CBLN4: variants seen among roughly 807,000 people sequenced by gnomAD.
CBLN4 encodes cerebellin-4.
Under a neutral mutation model 14.9 loss-of-function variants are expected in CBLN4, and 7 were observed. That is an observed-to-expected ratio of 0.47 (90% CI 0.27 to 0.88). The LOEUF is 0.88. Ranked by LOEUF, CBLN4 falls within the 40% of genes least tolerant of loss-of-function variation. The pLI, the probability that CBLN4 is intolerant of heterozygous loss-of-function variation, is 0.14. For missense variants in CBLN4, 188 were observed against 256.8 expected, an observed-to-expected ratio of 0.73 and a Z score of 1.83; for synonymous variants, 131 against 116.5, an observed-to-expected ratio of 1.12 and a Z score of -0.80.
At position 56,004,509 on chromosome 20, in the gene CBLN4, C is replaced by T. The variant is rs903640102; in HGVS notation, c.-338G>A. 1.8e-5 allele frequency: 5 copies of T among 273,276 alleles called. No individual in the cohort carries two copies. Among genetic ancestry groups the T allele is most frequent in the African/African-American group, 1.1e-4 (5 of 45,438 alleles). The allele number at this position is 273,276 out of a possible 1,614,324, so 16.9% of individuals were successfully genotyped here. A position where few individuals can be genotyped will look rare whatever the true frequency, so the allele number is the denominator to read the frequency against. On this transcript the variant is annotated 5_prime_UTR_variant, in exon 1 of 3. It adds an upstream start codon to the 5' untranslated region. Coordinates refer to ENST00000064571, the MANE Select transcript of CBLN4 (RefSeq NM_080617.6). This position sits in a 1 kb window ranked among gnomAD's most constrained non-coding sequence, Gnocchi z 6.1. ...AAGTCATCAAACCCTCACATTCACA[C>T]CTCAAGGCAAAAAATAATAATAATA...
chr20:56,005,445 C>G lies in CBLN4; in HGVS notation c.-1274G>C, dbSNP rs1055810840. 1.3e-5 allele frequency: 2 copies of G among 152,288 alleles called. No individual in the cohort carries two copies. The highest frequency in any genetic ancestry group is 6.5e-5 in the Admixed American group (1 of 15,308). The allele number at this position is 152,288 out of a possible 1,614,324, so 9.4% of individuals were successfully genotyped here. A position where few individuals can be genotyped will look rare whatever the true frequency, so the allele number is the denominator to read the frequency against. The stretch of plus-strand genomic sequence containing the variant: ...CGAACCTGGGGACCGGCGGGCGTCC[C>G]GACCGCGCCTGGCCGGGAGCCCGCC... On this transcript the variant is annotated 5_prime_UTR_variant, in exon 1 of 3. Transcript: ENST00000064571.
In CBLN4 at chr20:56,003,902, C is replaced by A. The variant is rs201113262; in HGVS notation, c.270G>T (p.Thr90=). ...NHEPSEMSNK[T]RIIYFDQILV... Reference sequence around the variant, plus strand: ...TGACCTGATCGAAGTAAATGATGCGCGTCTTGTTGCTCATCTCGGATGGCT... The same window carrying A: ...TGACCTGATCGAAGTAAATGATGCGAGTCTTGTTGCTCATCTCGGATGGCT... The change falls in exon 1 of 3, where the codon ACG becomes ACT. Residue 90 remains threonine (T), a synonymous_variant. Coordinates refer to ENST00000064571, the MANE Select transcript of CBLN4 (RefSeq NM_080617.6). The A allele has an allele frequency of 8.7e-6, 14 of 1,611,976 alleles. No individual in the cohort carries two copies. Among genetic ancestry groups the A allele is most frequent in the Non-Finnish European group, 1.2e-5 (14 of 1,179,046 alleles).
chr20:55,998,243 A>G lies in CBLN4; in HGVS notation c.*314T>C, dbSNP rs1332254210. ...CCAGTCTTTTAAAACTAAACAAATAAAATTCCACATCTGTAACTAATTCAG... is the reference window on the plus strand; with the variant it reads ...CCAGTCTTTTAAAACTAAACAAATAGAATTCCACATCTGTAACTAATTCAG... On this transcript the variant is annotated 3_prime_UTR_variant, in exon 3 of 3. Transcript: ENST00000064571. The G allele has an allele frequency of 9.1e-6, 3 of 328,308 alleles. No homozygotes were observed. Among genetic ancestry groups the G allele is most frequent in the African/African-American group, 6.4e-5 (3 of 47,076 alleles). 20.3% of individuals were successfully genotyped at this position (328,308 alleles called of 1,614,324 possible).
In CBLN4 at chr20:56,005,380, A is replaced by G. The variant is rs535125174; in HGVS notation, c.-1209T>C. On this transcript the variant is annotated 5_prime_UTR_variant, in exon 1 of 3. Transcript: ENST00000064571. ...GCGGCGCTGCCAGGCCGGGTCGCGA[A>G]AAAGGATAAGCCGCCGCGGACCCGC... 1 of 152,326 alleles carries G rather than the reference A, an allele frequency of 6.6e-6. No homozygotes were observed. The highest frequency in any genetic ancestry group is 2.1e-4 in the South Asian group (1 of 4,830). 9.4% of individuals were successfully genotyped at this position (152,326 alleles called of 1,614,324 possible).
chr20:56,002,654 C>T (rs77668369), intron 1 of CBLN4, among the ~76,000 whole-genome samples: 6 of 152,208 alleles, frequency 3.9e-5, no homozygotes, highest in Non-Finnish European at 8.8e-5. Context: ...TGGTGCTAGA[C>T]TTTATTTCCA....
chr20:55,999,094 G>A (rs1422490080), intron 2 of CBLN4, among the ~76,000 whole-genome samples: 3 of 152,106 alleles, frequency 2.0e-5, no homozygotes, highest in Non-Finnish European at 4.4e-5. Context: ...ATAATCTTTT[G>A]GAAATAGAGC....
intron 1 of CBLN4, among the ~76,000 whole-genome samples, chr20:56,003,178 A>G (rs1416487646): frequency 6.6e-6 from 1 of 152,196 alleles, no homozygotes; most frequent in Non-Finnish European, 1.5e-5. Context: ...CTGGCTCCCA[A>G]GCGCTTTCCT....
At chr20:56,000,708 A>G (rs762153698) in intron 2 of CBLN4, 23 bp downstream of exon 2, 16 of 1,274,574 alleles carry the variant, frequency 1.3e-5, no homozygotes, top group Non-Finnish European at 1.5e-5. Context: ...GAGAGTATGG[A>G]TGGAAGAGGT....
intron 1 of CBLN4, 42 bp from the exon 2 acceptor site, chr20:56,000,889 T>C (rs770109106): frequency 3.8e-6 from 4 of 1,054,886 alleles, no homozygotes; most frequent in Non-Finnish European, 1.3e-6. Flanking sequence ...TATTATATTT[T>C]CTTCTGTAAC....
In CBLN4 at chr20:56,004,251, G is replaced by A. The variant is rs1011971032; in HGVS notation, c.-80C>T. The stretch of plus-strand genomic sequence containing the variant: ...CTCCTACCCCGGGATCCCGGTGCTC[G>A]GGAAGATGCTAGCGGCTAGGTCGAC... On this transcript the variant is annotated 5_prime_UTR_variant, in exon 1 of 3. Transcript: ENST00000064571. The surrounding 1 kb of genome is among the most constrained non-coding windows in gnomAD (Gnocchi z 6.1). The A allele has an allele frequency of 7.5e-6, 10 of 1,328,120 alleles. No homozygotes were observed. Among genetic ancestry groups the A allele is most frequent in the African/African-American group, 6.2e-5 (4 of 64,102 alleles). The allele number at this position is 1,328,120 out of a possible 1,614,324, so 82.3% of individuals were successfully genotyped here.
intron 2 of CBLN4, among the ~76,000 whole-genome samples, chr20:55,999,248 A>G (rs1287707024): frequency 6.6e-6 from 1 of 152,202 alleles, no homozygotes; most frequent in African/African-American, 2.4e-5. Context: ...AATTGAAATA[A>G]TGAAGTTTGT....
At chr20:55,999,428 G>A (rs896096502) in intron 2 of CBLN4, among the ~76,000 whole-genome samples, 3 of 152,098 alleles carry the variant, frequency 2.0e-5, no homozygotes, top group African/African-American at 7.2e-5. Flanking sequence ...ACCAGCCTGG[G>A]CAACATAGCA....
In CBLN4 at chr20:56,005,492, C is replaced by G. The variant is rs1057205302; in HGVS notation, c.-1321G>C. On this transcript the variant is annotated 5_prime_UTR_variant, in exon 1 of 3. Transcript: ENST00000064571. ...CGCCCCACACAGCCCTGGGGCCTGG[C>G]GAGCTCAGGGAAGCCTTGGGGCGGA... is the stretch of plus-strand genomic sequence containing the variant. The G allele has an allele frequency of 6.6e-6, 1 of 152,234 alleles. No individual in the cohort carries two copies. The highest frequency in any genetic ancestry group is 1.5e-5 in the Non-Finnish European group (1 of 68,098). The allele number at this position is 152,234 out of a possible 1,614,324, so 9.4% of individuals were successfully genotyped here.
chr20:56,003,501 C>G (rs534919942), intron 1 of CBLN4, among the ~76,000 whole-genome samples: 3 of 152,338 alleles, frequency 2.0e-5, no homozygotes, highest in East Asian at 1.9e-4. Flanking sequence ...TCAGCGGCAC[C>G]CGCAGAGGAG....
intron 1 of CBLN4, 60 bp downstream of exon 1, chr20:56,003,821 C>A: frequency 1.3e-6 from 2 of 1,517,562 alleles, no homozygotes; most frequent in Non-Finnish European, 1.8e-6. Context: ...CAGGCAGCCT[C>A]GTGCTGAGGT....
chr20:55,999,958 A>G (rs1359636360), intron 2 of CBLN4, among the ~76,000 whole-genome samples: 1 of 152,262 alleles, frequency 6.6e-6, no homozygotes, highest in African/African-American at 2.4e-5. Flanking sequence ...GTATTAATAG[A>G]TAAGCATGTA....
At position 56,000,725 on chromosome 20, in the gene CBLN4, A is replaced by C; in HGVS notation, c.408+6T>G. ...GAGTATGGATGGAAGAGGTCAAAACACACACCTGGATAGTTTGGCTCTGGT... is the reference window on the plus strand; with the variant it reads ...GAGTATGGATGGAAGAGGTCAAAACCCACACCTGGATAGTTTGGCTCTGGT... On this transcript the variant is annotated splice_donor_region_variant and intron_variant, in intron 2 of 2. Coordinates refer to ENST00000064571, the MANE Select transcript of CBLN4 (RefSeq NM_080617.6). 6.7e-7 allele frequency: 1 copy of C among 1,502,644 alleles called. No individual in the cohort carries two copies. The highest frequency in any genetic ancestry group is 1.9e-5 in the Admixed American group (1 of 51,736). 93.1% of individuals were successfully genotyped at this position (1,502,644 alleles called of 1,614,324 possible).
chr20:56,002,465 AT>A (rs1986390606), intron 1 of CBLN4, among the ~76,000 whole-genome samples: 1 of 152,224 alleles, frequency 6.6e-6, no homozygotes, highest in South Asian at 2.1e-4. Flanking sequence ...GTACATCGAG[AT>A]TTATAACCAA....
intron 1 of CBLN4, among the ~76,000 whole-genome samples, chr20:56,003,669 T>G (rs1568834145): frequency 1.3e-5 from 2 of 152,042 alleles, no homozygotes; most frequent in Non-Finnish European, 1.5e-5. Flanking sequence ...GCAGCCTCTT[T>G]TAGGGGCCCG....
Sources: gnomAD v4.1 joint callset for allele counts (sites outside exome capture counted in the v4.1 genomes callset) on GRCh38, gnomAD v4.1.1 for gene constraint, Gnocchi (gnomAD v3.1) non-coding constraint, MANE v1.5 for transcripts, NCBI Gene and HGNC (gene_info 2026-07-23, HGNC 2026-07-21) for gene names.